The following SLCO3A1 variants were observed in gnomAD, a reference collection of about 807,000 sequenced individuals.
SLCO3A1 encodes solute carrier organic anion transporter family member 3A1.
SLCO3A1 carries 27 observed loss-of-function variants against 63.1 expected under a neutral mutation model. That is an observed-to-expected ratio of 0.43 (90% CI 0.32 to 0.59). The LOEUF (loss-of-function observed/expected upper bound fraction) is 0.59, where lower values mean the gene tolerates loss of function less well. Among genes scored for constraint, SLCO3A1 ranks in the 20% least tolerant of loss-of-function variants. The probability of loss-of-function intolerance (pLI) is 0.09; values close to 1 mark genes in which losing one functional copy is unlikely to be tolerated. For synonymous variants in SLCO3A1, 473 were observed against 409.9 expected, an observed-to-expected ratio of 1.15 and a Z score of -1.86; for missense variants, 773 against 945.8, an observed-to-expected ratio of 0.82 and a Z score of 2.40.
At chr15:91,988,140 C>A (rs928703285) in intron 2 of SLCO3A1, among the ~76,000 whole-genome samples, 2 of 152,068 alleles carry the variant, frequency 1.3e-5, no homozygotes, top group Non-Finnish European at 2.9e-5. Flanking sequence ...CGGTGGTGCA[C>A]GCCTATAATT....
At chr15:92,067,707 T>A (rs1272219140) in intron 2 of SLCO3A1, among the ~76,000 whole-genome samples, 3 of 152,250 alleles carry the variant, frequency 2.0e-5, no homozygotes, top group Non-Finnish European at 4.4e-5. Context: ...CTACTCTTTG[T>A]GGTTTCCCTT....
intron 7 of SLCO3A1, among the ~76,000 whole-genome samples, chr15:92,142,563 T>G (rs1372765205): frequency 2.0e-5 from 3 of 152,204 alleles, no homozygotes; most frequent in Admixed American, 1.3e-4. Context: ...CATTGGTGAT[T>G]ATTTTTCAAC....
At chr15:92,032,877 A>G (rs1042181985) in intron 2 of SLCO3A1, among the ~76,000 whole-genome samples, 1 of 137,370 alleles carries the variant, frequency 7.3e-6, no homozygotes, top group Non-Finnish European at 1.5e-5. Flanking sequence ...TGAAATTTCA[A>G]GTCCATACAG....
intron 2 of SLCO3A1, among the ~76,000 whole-genome samples, chr15:92,071,869 C>G (rs1400146260): frequency 1.3e-5 from 2 of 152,212 alleles, no homozygotes; most frequent in South Asian, 4.1e-4. Flanking sequence ...GTGTCTTAGT[C>G]GTAATCTGGG....
In SLCO3A1 at chr15:91,929,026, C is replaced by T. The variant is rs528857452; in HGVS notation, c.646+12568C>T. ...GGACAAAAATGGTAAGAAGGTAGGG[C>T]AAGAAAGACTTCATGGATCATGGAT... On this transcript the variant is annotated intron_variant, in intron 2 of 9. Transcript: ENST00000318445. 4.6e-3 allele frequency among the ~76,000 whole-genome samples: 707 copies of T among 152,206 alleles called. 2 individuals carry two copies. Among genetic ancestry groups the T allele is most frequent in the South Asian group, 0.012 (57 of 4,824 alleles).
intron 7 of SLCO3A1, among the ~76,000 whole-genome samples, chr15:92,139,759 T>G (rs2048105009): frequency 6.6e-6 from 1 of 152,028 alleles, no homozygotes; most frequent in African/African-American, 2.4e-5. Context: ...CTAGTTTATT[T>G]GCACAGAGGT....
At chr15:92,119,873 A>T (rs892348498) in intron 4 of SLCO3A1, among the ~76,000 whole-genome samples, 6 of 152,192 alleles carry the variant, frequency 3.9e-5, no homozygotes, top group Middle Eastern at 3.2e-3. Context: ...GTGAGAGCTG[A>T]TGGAAATTTT....
intron 2 of SLCO3A1, among the ~76,000 whole-genome samples, chr15:92,016,241 A>ATAGATAGATAGAT (rs1555424423): frequency 3.7e-5 from 2 of 53,536 alleles, no homozygotes; most frequent in Non-Finnish European, 6.5e-5. Flanking sequence ...AGATAGATAG[A>ATAGATAGATAGAT]TAGATAGATA....
Position 91,862,695 on chromosome 15 carries a change from A to C in SLCO3A1, c.180+8607A>C, listed in dbSNP as rs1247992292. ...GGGGCTGATGAGGCTTTTAACAAAT[A>C]GTTCCGGAGAAAATAATAGAAGGCA... On this transcript the variant is annotated intron_variant, in intron 1 of 9. Transcript: ENST00000318445. This position sits in a 1 kb window ranked among gnomAD's most constrained non-coding sequence, Gnocchi z 4.0. Among the ~76,000 whole-genome samples, 5 of 152,236 alleles carry C rather than the reference A, an allele frequency of 3.3e-5. No individual in the cohort carries two copies. Among genetic ancestry groups the C allele is most frequent in the African/African-American group, 1.2e-4 (5 of 41,462 alleles).
intron 1 of SLCO3A1, among the ~76,000 whole-genome samples, chr15:91,905,341 A>G (rs1898268898): frequency 6.6e-6 from 1 of 152,238 alleles, no homozygotes; most frequent in Non-Finnish European, 1.5e-5. Context: ...CTCTGCAGAT[A>G]CCAAAATCTG....
rs1046510072 is a variant in SLCO3A1, at chr15:91,860,858, G to A, written c.180+6770G>A. Among the ~76,000 whole-genome samples the A allele has an allele frequency of 3.3e-5, 5 of 152,148 alleles. No homozygotes were observed. The highest frequency in any genetic ancestry group is 9.7e-5 in the African/African-American group (4 of 41,430). ...AGCAGGTCTGTGGGCATTTCCCCAC[G>A]CTTGGTCTTTTTTTTTGGTTTCTCA... On this transcript the variant is annotated intron_variant, in intron 1 of 9. Coordinates refer to ENST00000318445, the MANE Select transcript of SLCO3A1 (RefSeq NM_013272.4). The surrounding 1 kb of genome is among the most constrained non-coding windows in gnomAD (Gnocchi z 5.5).
At chr15:91,946,663 A>G (rs546432242) in intron 2 of SLCO3A1, among the ~76,000 whole-genome samples, 64 of 152,276 alleles carry the variant, frequency 4.2e-4, no homozygotes, top group African/African-American at 1.5e-3. Flanking sequence ...ACTTAAGGAG[A>G]AGGACTTGGG....
chr15:91,959,481 G>T (rs1384544307), intron 2 of SLCO3A1, among the ~76,000 whole-genome samples: 1 of 152,074 alleles, frequency 6.6e-6, no homozygotes, highest in Non-Finnish European at 1.5e-5. Flanking sequence ...TGTAATCCCA[G>T]CACTTTGGGA....
intron 2 of SLCO3A1, among the ~76,000 whole-genome samples, chr15:91,986,629 G>T (rs1013746059): frequency 2.0e-5 from 3 of 152,020 alleles, no homozygotes; most frequent in African/African-American, 4.8e-5. Context: ...TCAGATGTGG[G>T]TTGACACTTC....
In SLCO3A1 at chr15:92,164,519, C is replaced by G. The variant is rs987827715; in HGVS notation, c.*1384C>G. 3 of 985,274 alleles carry G rather than the reference C, an allele frequency of 3.0e-6. No individual in the cohort carries two copies. The African/African-American group carries it at 5.2e-5, about 17-fold the overall frequency. 61.0% of individuals were successfully genotyped at this position (985,274 alleles called of 1,614,324 possible). Reference sequence around the variant, plus strand: ...TTCTTTTCAGCCTGTGGAGGAGACACTCTTAGATGTGGGTTTGTGTGTATG... The same window carrying G: ...TTCTTTTCAGCCTGTGGAGGAGACAGTCTTAGATGTGGGTTTGTGTGTATG... On this transcript the variant is annotated 3_prime_UTR_variant, in exon 10 of 10. Coordinates refer to ENST00000318445, the MANE Select transcript of SLCO3A1 (RefSeq NM_013272.4).
At chr15:91,931,990 T>G (rs1173906068) in intron 2 of SLCO3A1, among the ~76,000 whole-genome samples, 1 of 152,192 alleles carries the variant, frequency 6.6e-6, no homozygotes, top group Non-Finnish European at 1.5e-5. Flanking sequence ...TTCAGTAGTT[T>G]GTAGTCTGCA....
At chr15:92,108,816 C>T (rs2047695478) in intron 4 of SLCO3A1, among the ~76,000 whole-genome samples, 1 of 152,076 alleles carries the variant, frequency 6.6e-6, no homozygotes, top group Admixed American at 6.5e-5. Flanking sequence ...TCTCACCTCC[C>T]CAGGAAGCCC....
intron 3 of SLCO3A1, among the ~76,000 whole-genome samples, chr15:92,102,913 G>A (rs576299080): frequency 1.6e-4 from 24 of 152,276 alleles, no homozygotes; most frequent in Non-Finnish European, 2.8e-4. Context: ...CCTGGGCAAC[G>A]AACCTAACCT....
At chr15:91,931,442 G>C (rs1053264202) in intron 2 of SLCO3A1, among the ~76,000 whole-genome samples, 3 of 151,866 alleles carry the variant, frequency 2.0e-5, no homozygotes, top group African/African-American at 7.3e-5. Context: ...TCTGTGAATG[G>C]GCAAACCCTG....
Sources: gnomAD v4.1 joint callset for allele counts (sites outside exome capture counted in the v4.1 genomes callset) on GRCh38, gnomAD v4.1.1 for gene constraint, Gnocchi (gnomAD v3.1) non-coding constraint, MANE v1.5 for transcripts, NCBI Gene and HGNC (gene_info 2026-07-23, HGNC 2026-07-21) for gene names.